FUT8: variants seen among roughly 807,000 people sequenced by gnomAD.
The protein encoded by FUT8 is fucosyltransferase 8.
Under a neutral mutation model 71.3 loss-of-function variants are expected in FUT8, and 29 were observed. The ratio of observed to expected loss-of-function variants is 0.41; its 90% CI spans 0.30 to 0.55. The LOEUF is 0.55. Ranked by LOEUF, FUT8 falls within the 20% of genes least tolerant of loss-of-function variation. The probability of loss-of-function intolerance (pLI) is 0.34; values close to 1 mark genes in which losing one functional copy is unlikely to be tolerated. For missense variants in FUT8, 544 were observed against 702.1 expected (o/e 0.77, Z 2.55); for synonymous variants, 254 against 239.3 (o/e 1.06, Z -0.57).
chr14:65,611,302 C>CACACACACA (rs1566851609), intron 3 of FUT8, among the ~76,000 whole-genome samples: 6 of 38,472 alleles, frequency 1.6e-4, no homozygotes, highest in African/African-American at 7.5e-4. Context: ...CACACACACA[C>CACACACACA]CCCCCAAGTA....
the FUT8 span, among the ~76,000 whole-genome samples, chr14:65,395,699 G>C: frequency 6.6e-6 from 1 of 152,376 alleles, no homozygotes; most frequent in African/African-American, 2.4e-5. Flanking sequence ...CCTGTGATGG[G>C]AGGGGCTGCC....
At chr14:65,565,835 A>C (rs1054684390) in intron 3 of FUT8, among the ~76,000 whole-genome samples, 1 of 151,842 alleles carries the variant, frequency 6.6e-6, no homozygotes, top group Non-Finnish European at 1.5e-5. Context: ...TCATTTCACC[A>C]AAGAATCTGT....
chr14:65,693,963 A>C (rs1295065537), intron 7 of FUT8, among the ~76,000 whole-genome samples: 2 of 152,206 alleles, frequency 1.3e-5, no homozygotes, highest in Non-Finnish European at 2.9e-5. Flanking sequence ...TTAGCTATCA[A>C]ATTTGTGGGT....
chr14:65,636,665 G>A (rs1453314402), intron 6 of FUT8: 1 of 152,166 alleles, frequency 6.6e-6, no homozygotes, highest in Non-Finnish European at 1.5e-5. Context: ...AAAGGTTCCA[G>A]TTGGAGTTGA....
In FUT8 at chr14:65,533,838, G is replaced by A. The variant is rs529983825; in HGVS notation, c.-227-27499G>A. On this transcript the variant is annotated intron_variant, in intron 2 of 10. Coordinates refer to ENST00000673929, the MANE Select transcript of FUT8 (RefSeq NM_001371533.1). Reference sequence around the variant, plus strand: ...TCATTGAGAGTTTTTAACATGAAGGGATGGTGACTTTTGCCGAAAGTCTTT... The same window carrying A: ...TCATTGAGAGTTTTTAACATGAAGGAATGGTGACTTTTGCCGAAAGTCTTT... 2.6e-5 allele frequency among the ~76,000 whole-genome samples: 4 copies of A among 152,206 alleles called. No homozygotes were observed. The East Asian group carries it at 7.7e-4, about 29-fold the overall frequency.
At chr14:65,528,904 T>G (rs1883725651) in intron 2 of FUT8, 1 of 152,690 alleles carries the variant, frequency 6.5e-6, no homozygotes, top group Non-Finnish European at 1.5e-5. Context: ...TAGGACCAAG[T>G]ATATTGGTTT....
rs1888916125 is a variant in FUT8 at position 65,611,213 on chromosome 14, GCGCGCGCGCGCACACACACACACACA to G, written c.204-4763_204-4738del. ...CACACACACACGCGCGCGCGCGCGC[GCGCGCGCGCGCACACACACACACACA>G]CACACACACACACACACACACACAC... On this transcript the variant is annotated intron_variant, in intron 3 of 10. Coordinates refer to ENST00000673929, the MANE Select transcript of FUT8 (RefSeq NM_001371533.1). 2.2e-3 allele frequency among the ~76,000 whole-genome samples: 14 copies of G among 6,262 alleles called. 2 individuals are homozygous for G. The highest frequency in any genetic ancestry group is 5.6e-3 in the Non-Finnish European group (6 of 1,078). The allele number at this position is 6,262 out of a possible 152,430, so 4.1% of individuals were successfully genotyped here.
intron 3 of FUT8, among the ~76,000 whole-genome samples, chr14:65,577,373 A>G (rs2140101282): frequency 6.6e-6 from 1 of 152,308 alleles, no homozygotes; most frequent in Non-Finnish European, 1.5e-5. Flanking sequence ...TTGGATCCCA[A>G]GTCGACCACT....
chr14:65,510,630 G>C (rs1332428924), intron 2 of FUT8, among the ~76,000 whole-genome samples: 1 of 151,960 alleles, frequency 6.6e-6, no homozygotes, highest in Non-Finnish European at 1.5e-5. Context: ...TTTGGGTTTT[G>C]GATTTCTTCA....
the FUT8 span, among the ~76,000 whole-genome samples, chr14:65,376,954 C>G: frequency 6.6e-6 from 1 of 152,130 alleles, no homozygotes; most frequent in Non-Finnish European, 1.5e-5. Context: ...CCGGAAGAGC[C>G]TGGCAATGTT....
intron 7 of FUT8, among the ~76,000 whole-genome samples, chr14:65,687,151 A>G (rs769356013): frequency 6.6e-6 from 1 of 152,028 alleles, no homozygotes; most frequent in Non-Finnish European, 1.5e-5. Flanking sequence ...ACCAGTTACT[A>G]GGTAAATCAT....
At chr14:65,460,418 G>T (rs1413091346) in intron 2 of FUT8, among the ~76,000 whole-genome samples, 3 of 152,164 alleles carry the variant, frequency 2.0e-5, no homozygotes, top group African/African-American at 7.2e-5. Context: ...TTAAAGATTG[G>T]AGTTTCATTA....
At chr14:65,714,481 T>A (rs946585961) in intron 7 of FUT8, among the ~76,000 whole-genome samples, 10 of 151,788 alleles carry the variant, frequency 6.6e-5, no homozygotes, top group African/African-American at 2.4e-4. Context: ...CAGAGTCTCA[T>A]TGTCTTTGCA....
chr14:65,622,103 C>T (rs541537318), intron 5 of FUT8, among the ~76,000 whole-genome samples: 5 of 152,174 alleles, frequency 3.3e-5, no homozygotes, highest in South Asian at 2.1e-4. Flanking sequence ...GGATTACAGG[C>T]GTCAGCCACT....
intron 3 of FUT8, among the ~76,000 whole-genome samples, chr14:65,594,197 A>T (rs969119225): frequency 6.6e-6 from 1 of 152,234 alleles, no homozygotes; most frequent in African/African-American, 2.4e-5. Flanking sequence ...GGAGGGAGAG[A>T]GTGTGCAAAC....
At chr14:65,436,857 A>T (rs1374573405) in intron 1 of FUT8, among the ~76,000 whole-genome samples, 1 of 152,156 alleles carries the variant, frequency 6.6e-6, no homozygotes, top group Non-Finnish European at 1.5e-5. Flanking sequence ...TTCCATGGAA[A>T]ATTTGAGTAC....
intron 1 of FUT8, among the ~76,000 whole-genome samples, chr14:65,444,062 G>A (rs1368625413): frequency 6.6e-6 from 1 of 152,150 alleles, no homozygotes; most frequent in East Asian, 1.9e-4. Flanking sequence ...AACTCTTAAT[G>A]TTGCACATGG....
rs374674577 is a variant in FUT8, at chr14:65,417,954, A to T, written c.-326+4740A>T. ...ATAAATATGAAAACGAACTTGAAAG[A>T]TCTTGTCACAGCCTTGATGACTGGT... On this transcript the variant is annotated intron_variant, in intron 1 of 10. Transcript: ENST00000673929. Among the ~76,000 whole-genome samples, 199 of 152,346 alleles carry T rather than the reference A, an allele frequency of 1.3e-3. 8 individuals are homozygous for T. In the South Asian group the frequency reaches 0.039, roughly 30 times the overall value.
intron 6 of FUT8, among the ~76,000 whole-genome samples, chr14:65,666,815 G>A (rs1251174697): frequency 6.6e-6 from 1 of 152,144 alleles, no homozygotes; most frequent in East Asian, 1.9e-4. Flanking sequence ...ATATCAAAAA[G>A]TTAATTCACC....
Sources: gnomAD v4.1 joint callset for allele counts (sites outside exome capture counted in the v4.1 genomes callset) on GRCh38, gnomAD v4.1.1 for gene constraint, MANE v1.5 for transcripts, NCBI Gene and HGNC (gene_info 2026-07-23, HGNC 2026-07-21) for gene names.